The following LYPLAL1 variants were observed in gnomAD, a reference collection of about 807,000 sequenced individuals.
LYPLAL1 encodes the protein lysophospholipase like 1, also known as lysophospholipase-like protein 1.
A neutral mutation model predicts 19.7 loss-of-function variants in LYPLAL1; 23 were observed. The observed-to-expected ratio is 1.17, with a 90% CI of 0.84 to 1.65. LYPLAL1 has a LOEUF of 1.65. Ranked by LOEUF, LYPLAL1 falls within the 40% of genes most tolerant of loss-of-function variation. LYPLAL1 has a pLI of 0.00. For missense variants in LYPLAL1, 355 were observed against 279.4 expected, an observed-to-expected ratio of 1.27 and a Z score of -1.93; for synonymous variants, 119 against 96.3, an observed-to-expected ratio of 1.24 and a Z score of -1.38.
the LYPLAL1 span, among the ~76,000 whole-genome samples, chr1:219,412,689 A>T: frequency 2.0e-5 from 3 of 152,182 alleles, no homozygotes; most frequent in Admixed American, 1.3e-4. Flanking sequence ...TGAAAAGCTC[A>T]TCTCTAAGAA....
chr1:219,261,197 T>G, the LYPLAL1 span, among the ~76,000 whole-genome samples: 4 of 152,178 alleles, frequency 2.6e-5, no homozygotes, highest in Non-Finnish European at 5.9e-5. Flanking sequence ...ATTTATTCAA[T>G]TACATTTTTA....
At chr1:219,352,435 G>A in the LYPLAL1 span, among the ~76,000 whole-genome samples, 1 of 152,116 alleles carries the variant, frequency 6.6e-6, no homozygotes. Context: ...GGAGAATGGC[G>A]TGAACCCGGG....
the LYPLAL1 span, among the ~76,000 whole-genome samples, chr1:219,441,455 C>A: frequency 6.6e-6 from 1 of 152,034 alleles, no homozygotes; most frequent in East Asian, 1.9e-4. Context: ...GCAAGATTGT[C>A]CATGTGTTGA....
the LYPLAL1 span, among the ~76,000 whole-genome samples, chr1:219,224,184 G>A: frequency 3.3e-5 from 5 of 152,128 alleles, no homozygotes; most frequent in African/African-American, 4.8e-5. Flanking sequence ...TCTCGATTAT[G>A]TAACAAGAAA....
At chr1:219,391,250 G>A in the LYPLAL1 span, among the ~76,000 whole-genome samples, 1 of 152,040 alleles carries the variant, frequency 6.6e-6, no homozygotes, top group South Asian at 2.1e-4. Flanking sequence ...GACTGCTATC[G>A]TTTTCCTGTT....
chr1:219,307,629 T>TA, the LYPLAL1 span, among the ~76,000 whole-genome samples: 4 of 152,188 alleles, frequency 2.6e-5, no homozygotes, highest in Non-Finnish European at 5.9e-5. Context: ...TAATATTTGA[T>TA]ATGGTTTGGC....
At chr1:219,213,577 T>C (rs1012433224), downstream of LYPLAL1, among the ~76,000 whole-genome samples, 1 of 152,088 alleles carries the variant, frequency 6.6e-6, no homozygotes, top group Non-Finnish European at 1.5e-5. Flanking sequence ...CTTATTTAGA[T>C]ACTTGATTTC....
intron 3 of LYPLAL1, among the ~76,000 whole-genome samples, chr1:219,203,616 T>G (rs980741750): frequency 1.3e-5 from 2 of 152,160 alleles, no homozygotes; most frequent in Non-Finnish European, 2.9e-5. Context: ...ATTGAGAATG[T>G]GACTGGTAAA....
chr1:219,359,574 C>T, the LYPLAL1 span, among the ~76,000 whole-genome samples: 1 of 152,152 alleles, frequency 6.6e-6, no homozygotes, highest in African/African-American at 2.4e-5. Context: ...ACTTGAAGGT[C>T]ATTTGCTAAA....
At chr1:219,353,306 G>A in the LYPLAL1 span, among the ~76,000 whole-genome samples, 1 of 152,224 alleles carries the variant, frequency 6.6e-6, no homozygotes, top group Non-Finnish European at 1.5e-5. Flanking sequence ...CAAAGACAGA[G>A]CACTAGATTC....
At chr1:219,290,434 C>T in the LYPLAL1 span, among the ~76,000 whole-genome samples, 1 of 152,126 alleles carries the variant, frequency 6.6e-6, no homozygotes, top group Non-Finnish European at 1.5e-5. Context: ...TAAACAGACC[C>T]AGACTTCCAA....
At chr1:219,410,781 G>T in the LYPLAL1 span, among the ~76,000 whole-genome samples, 6 of 152,252 alleles carry the variant, frequency 3.9e-5, no homozygotes, top group Non-Finnish European at 8.8e-5. Flanking sequence ...GGCAATGGGG[G>T]ACTTAGCACC....
chr1:219,191,350 T>C (rs1490999777), intron 2 of LYPLAL1, among the ~76,000 whole-genome samples: 1 of 151,608 alleles, frequency 6.6e-6, no homozygotes, highest in African/African-American at 2.4e-5. Flanking sequence ...GGTACCAAAT[T>C]AATTCCCATT....
chr1:219,394,864 T>C, the LYPLAL1 span, among the ~76,000 whole-genome samples: 9 of 152,232 alleles, frequency 5.9e-5, no homozygotes, highest in African/African-American at 2.2e-4. Flanking sequence ...CTTCCACTTA[T>C]AAGTGAGAAC....
At chr1:219,177,101 A>T (rs1558217056) in intron 1 of LYPLAL1, among the ~76,000 whole-genome samples, 1 of 152,220 alleles carries the variant, frequency 6.6e-6, no homozygotes, top group East Asian at 1.9e-4. Context: ...ATGACAGAAG[A>T]TGAAACTTCA....
At chr1:219,419,612 G>GAGAGAT in the LYPLAL1 span, among the ~76,000 whole-genome samples, 1 of 149,368 alleles carries the variant, frequency 6.7e-6, no homozygotes, top group African/African-American at 2.5e-5. Flanking sequence ...GAGAGAGAGA[G>GAGAGAT]ACAAATGTGC....
chr1:219,300,009 C>T, the LYPLAL1 span, among the ~76,000 whole-genome samples: 3 of 152,294 alleles, frequency 2.0e-5, no homozygotes, highest in Admixed American at 6.5e-5. Context: ...GACAGAGTCT[C>T]GCTCTGTCAC....
the LYPLAL1 span, among the ~76,000 whole-genome samples, chr1:219,430,774 A>C: frequency 7.5e-4 from 115 of 152,338 alleles, no homozygotes; most frequent in African/African-American, 2.7e-3. Flanking sequence ...TGTCCAAGGT[A>C]GGGACATCAT....
chr1:219,312,164 G>A, the LYPLAL1 span, among the ~76,000 whole-genome samples: 2 of 152,298 alleles, frequency 1.3e-5, no homozygotes, highest in African/African-American at 2.4e-5. Context: ...AAGTTGAGGA[G>A]AAGGACATAT....
Sources: allele counts gnomAD v4.1 joint callset (sites outside exome capture counted in the v4.1 genomes callset), GRCh38; gene constraint gnomAD v4.1.1; transcripts MANE v1.5; gene names NCBI Gene and HGNC (gene_info 2026-07-23, HGNC 2026-07-21).